Variants in TTC28 observed in about 807,000 individuals in gnomAD.
TTC28 encodes tetratricopeptide repeat protein 28.
Under a neutral mutation model 198.0 loss-of-function variants are expected in TTC28, and 61 were observed. The observed-to-expected ratio is 0.31, with a 90% CI of 0.25 to 0.38. TTC28 has a LOEUF of 0.38. TTC28 is among the 10% of genes least tolerant of loss of function. The pLI is 1.00. For missense variants in TTC28, 2,678 were observed against 3,164.0 expected, an observed-to-expected ratio of 0.85 and a Z score of 3.69; for synonymous variants, 1,171 against 1,297.8, an observed-to-expected ratio of 0.90 and a Z score of 2.10.
chr22:28,037,556 A>G (rs1480783938), intron 12 of TTC28, among the ~76,000 whole-genome samples: 16 of 152,220 alleles, frequency 1.1e-4, no homozygotes, highest in Non-Finnish European at 4.4e-5. Context: ...CCCACAGCCA[A>G]TATCATACTG....
At chr22:28,653,333 A>G (rs1462652704) in intron 1 of TTC28, among the ~76,000 whole-genome samples, 2 of 152,006 alleles carry the variant, frequency 1.3e-5, no homozygotes, top group Admixed American at 1.3e-4. Context: ...GCGAAACCCC[A>G]TCTCTACTAA....
chr22:28,662,791 T>C (rs1040696943), intron 1 of TTC28, among the ~76,000 whole-genome samples: 5 of 152,200 alleles, frequency 3.3e-5, no homozygotes, highest in South Asian at 2.1e-4. Context: ...TAGGAAGCAA[T>C]GGATTCAACA....
At chr22:28,649,345 G>C (rs147576126) in intron 1 of TTC28, among the ~76,000 whole-genome samples, 2 of 151,962 alleles carry the variant, frequency 1.3e-5, no homozygotes, top group East Asian at 3.9e-4. Context: ...AATCAAAAAT[G>C]ACTTGTACCC....
At chr22:28,134,479 C>G (rs1286296022) in intron 6 of TTC28, among the ~76,000 whole-genome samples, 4 of 152,154 alleles carry the variant, frequency 2.6e-5, no homozygotes, top group Non-Finnish European at 5.9e-5. Context: ...AGACGAATGG[C>G]TAACTAGAAT....
chr22:28,317,593 G>A (rs780344209), intron 2 of TTC28, among the ~76,000 whole-genome samples: 25 of 152,122 alleles, frequency 1.6e-4, no homozygotes, highest in Admixed American at 1.2e-3. Flanking sequence ...ACAGCCTTTG[G>A]CATGCTATTT....
intron 13 of TTC28, among the ~76,000 whole-genome samples, chr22:28,015,320 C>T (rs890981251): frequency 3.3e-5 from 5 of 151,038 alleles, no homozygotes; most frequent in Non-Finnish European, 7.4e-5. Context: ...ACTGTGGCCG[C>T]AGCACAGCCA....
At chr22:28,523,463 G>A (rs1208271377) in intron 2 of TTC28, among the ~76,000 whole-genome samples, 1 of 152,140 alleles carries the variant, frequency 6.6e-6, no homozygotes, top group African/African-American at 2.4e-5. Flanking sequence ...GCAGTCATGG[G>A]GATCCACTAC....
chr22:28,655,171 C>T (rs2051624172), intron 1 of TTC28, among the ~76,000 whole-genome samples: 1 of 152,146 alleles, frequency 6.6e-6, no homozygotes, highest in African/African-American at 2.4e-5. Context: ...TGCTCTGTGC[C>T]AGGCATTTAC....
At chr22:28,339,791 C>A (rs889077222) in intron 2 of TTC28, among the ~76,000 whole-genome samples, 3 of 152,156 alleles carry the variant, frequency 2.0e-5, no homozygotes, top group Admixed American at 2.0e-4. Flanking sequence ...CCATCTGTCA[C>A]CCCTTTCTTT....
intron 2 of TTC28, among the ~76,000 whole-genome samples, chr22:28,404,796 A>C (rs1042293356): frequency 6.6e-6 from 1 of 152,160 alleles, no homozygotes; most frequent in African/African-American, 2.4e-5. Flanking sequence ...AAGTTTGGAG[A>C]AGTGAGGATG....
intron 5 of TTC28, among the ~76,000 whole-genome samples, chr22:28,172,768 C>A (rs778415686): frequency 6.6e-6 from 1 of 152,196 alleles, no homozygotes; most frequent in African/African-American, 2.4e-5. Flanking sequence ...ATGAAGCACA[C>A]ATCATTGCCT....
chr22:28,193,023 C>T (rs900772601), intron 5 of TTC28, among the ~76,000 whole-genome samples: 6 of 152,096 alleles, frequency 3.9e-5, no homozygotes, highest in African/African-American at 1.4e-4. Context: ...GGAAAAAATG[C>T]TAAGGGCAGC....
At chr22:28,567,479 C>CATATATAT (rs398040471) in intron 2 of TTC28, among the ~76,000 whole-genome samples, 2,416 of 51,020 alleles carry the variant, frequency 0.047, 186 homozygotes, top group East Asian at 0.065. Context: ...TACATACATA[C>CATATATAT]ATATATATAT....
chr22:28,058,650 G>C (rs1445362388), intron 12 of TTC28, among the ~76,000 whole-genome samples: 1 of 152,004 alleles, frequency 6.6e-6, no homozygotes, highest in Admixed American at 6.6e-5. Flanking sequence ...AGTGGAAGTG[G>C]TTCCTCCTCT....
At chr22:28,480,878 TCAC>T (rs1160186674) in intron 2 of TTC28, among the ~76,000 whole-genome samples, 1 of 152,180 alleles carries the variant, frequency 6.6e-6, no homozygotes, top group African/African-American at 2.4e-5. Context: ...CAAAGAATAA[TCAC>T]CTCTGACTGT....
intron 2 of TTC28, among the ~76,000 whole-genome samples, chr22:28,512,979 AT>A (rs695729): frequency 0.014 from 1,795 of 125,836 alleles, 20 homozygotes; most frequent in African/African-American, 0.042. Flanking sequence ...TTTAACCTGG[AT>A]TTTTTTTTTT....
chr22:28,307,983 T>A (rs2145813291), intron 2 of TTC28, among the ~76,000 whole-genome samples: 1 of 152,340 alleles, frequency 6.6e-6, no homozygotes, highest in Non-Finnish European at 1.5e-5. Context: ...CTTATCTTAC[T>A]TTTATAATGA....
intron 5 of TTC28, among the ~76,000 whole-genome samples, chr22:28,188,756 A>C (rs1208872809): frequency 6.6e-6 from 1 of 152,160 alleles, no homozygotes; most frequent in Non-Finnish European, 1.5e-5. Flanking sequence ...TCATGCTGGA[A>C]GCCCCTGTGG....
Position 28,183,507 on chromosome 22 carries a change from C to G in TTC28, c.934-19908G>C, listed in dbSNP as rs547871302. On this transcript the variant is annotated intron_variant, in intron 5 of 22. Transcript: ENST00000397906. ...CTCCTCATTCTGCTTTGCTGACATTCTATCAGGCCATTTCCCTGTCACCTC... is the reference window on the plus strand; with the variant it reads ...CTCCTCATTCTGCTTTGCTGACATTGTATCAGGCCATTTCCCTGTCACCTC... 3.9e-5 allele frequency among the ~76,000 whole-genome samples: 6 copies of G among 152,284 alleles called. No individual in the cohort carries two copies. In the South Asian group the frequency reaches 1.2e-3, roughly 32 times the overall value.
Sources: allele counts gnomAD v4.1 joint callset (sites outside exome capture counted in the v4.1 genomes callset), GRCh38; gene constraint gnomAD v4.1.1; transcripts MANE v1.5; gene names NCBI Gene and HGNC (gene_info 2026-07-23, HGNC 2026-07-21).